Variants in LIX1 observed in about 807,000 individuals in gnomAD.
LIX1 encodes the protein limb and CNS expressed 1.
In LIX1, 24 loss-of-function variants were observed where a neutral mutation model predicts 33.4. The ratio of observed to expected loss-of-function variants is 0.72; its 90% CI spans 0.52 to 1.01. LIX1 has a LOEUF of 1.01. Among genes scored for constraint, LIX1 ranks in the 50% least tolerant of loss-of-function variants. LIX1 has a pLI of 0.00. For synonymous variants in LIX1, 124 were observed against 124.0 expected, an observed-to-expected ratio of 1.00 and a Z score of 0.00; for missense variants, 311 against 339.2, an observed-to-expected ratio of 0.92 and a Z score of 0.65.
chr5:97,096,382 A>G (rs1746377822), intron 5 of LIX1, among the ~76,000 whole-genome samples: 1 of 152,122 alleles, frequency 6.6e-6, no homozygotes. Context: ...TTTTGGCAGG[A>G]ATGGGAAATA....
intron 1 of LIX1, among the ~76,000 whole-genome samples, chr5:97,141,877 A>G (rs1748299134): frequency 6.6e-6 from 1 of 152,256 alleles, no homozygotes; most frequent in Non-Finnish European, 1.5e-5. Context: ...CATTAAAAAA[A>G]AGATTTTGAA....
rs555390860 is a variant in LIX1 at position 97,104,987 on chromosome 5, C to A, written c.483+203G>T. 2.6e-5 allele frequency among the ~76,000 whole-genome samples: 4 copies of A among 152,264 alleles called. No homozygotes were observed. The East Asian group carries it at 7.7e-4, about 29-fold the overall frequency. On this transcript the variant is annotated intron_variant, in intron 4 of 5. Coordinates refer to ENST00000274382, the MANE Select transcript of LIX1 (RefSeq NM_153234.5). ...TCTTTTATAAAAGCAAAGATTGTTT[C>A]CTGATTGCGTGTTTGTTTACGCCTA...
intron 1 of LIX1, among the ~76,000 whole-genome samples, chr5:97,127,366 G>A (rs565828102): frequency 2.0e-5 from 3 of 152,296 alleles, no homozygotes; most frequent in Non-Finnish European, 4.4e-5. Context: ...GTCGATTTCT[G>A]TGTGAATAAA....
At chr5:97,131,518 G>A (rs1748056240) in intron 1 of LIX1, among the ~76,000 whole-genome samples, 1 of 149,790 alleles carries the variant, frequency 6.7e-6, no homozygotes, top group Admixed American at 6.6e-5. Flanking sequence ...AGACTTGGCT[G>A]TACTTCCTTC....
intron 2 of LIX1, among the ~76,000 whole-genome samples, chr5:97,116,237 T>A (rs2060694628): frequency 6.6e-6 from 1 of 152,182 alleles, no homozygotes; most frequent in Non-Finnish European, 1.5e-5. Context: ...AGCATGAACA[T>A]TTGCATGTGT....
chr5:97,120,214 G>C (rs902906260), intron 2 of LIX1, among the ~76,000 whole-genome samples: 1 of 152,146 alleles, frequency 6.6e-6, no homozygotes, highest in African/African-American at 2.4e-5. Context: ...AGATTTAGGT[G>C]AATGATCTTA....
chr5:97,098,563 A>G (rs1746512311), intron 4 of LIX1, among the ~76,000 whole-genome samples: 1 of 152,238 alleles, frequency 6.6e-6, no homozygotes, highest in Non-Finnish European at 1.5e-5. Context: ...TGAAAACTTA[A>G]CATAGACAGA....
In LIX1 at chr5:97,096,822, C is replaced by A. The variant is rs757277816; in HGVS notation, c.549G>T (p.Lys183Asn). ...NGSLKALRETKCSRQEVISYY... is the reference protein window; with the variant it reads ...NGSLKALRETNCSRQEVISYY... ...TAGAAAATCTTACCTGTCGGGAACACTTTGTTTCACGAAGGGCTTTTAGGC... is the reference window on the plus strand; with the variant it reads ...TAGAAAATCTTACCTGTCGGGAACAATTTGTTTCACGAAGGGCTTTTAGGC... Residue 183 changes from lysine to asparagine, a missense_variant, in exon 5 of 6, where the codon AAG becomes AAT. Physicochemically the swap from Lys to Asn is moderately conservative, Grantham distance 94 (BLOSUM62 0). Transcript: ENST00000274382. The A allele has an allele frequency of 1.2e-6, 2 of 1,613,362 alleles. No individual in the cohort carries two copies. The highest frequency in any genetic ancestry group is 1.7e-6 in the Non-Finnish European group (2 of 1,179,306).
chr5:97,133,473 A>G (rs1217023375), intron 1 of LIX1, among the ~76,000 whole-genome samples: 6 of 152,250 alleles, frequency 3.9e-5, no homozygotes, highest in African/African-American at 1.4e-4. Context: ...AAGAGAGGGC[A>G]TGAATATATG....
chr5:97,108,728 C>T (rs542503633), intron 2 of LIX1, among the ~76,000 whole-genome samples: 1 of 152,198 alleles, frequency 6.6e-6, no homozygotes, highest in African/African-American at 2.4e-5. Context: ...CCTGACTGTG[C>T]TTCTTAGAAA....
intron 2 of LIX1, among the ~76,000 whole-genome samples, chr5:97,114,960 G>A (rs1580231972): frequency 6.6e-6 from 1 of 152,314 alleles, no homozygotes; most frequent in East Asian, 1.9e-4. Flanking sequence ...TTCTACCCAA[G>A]AGTCAAGGAA....
intron 1 of LIX1, among the ~76,000 whole-genome samples, chr5:97,134,399 C>T (rs1487858804): frequency 1.3e-5 from 2 of 152,208 alleles, no homozygotes; most frequent in Admixed American, 6.5e-5. Context: ...GGATTATAGG[C>T]GTGAGCCACC....
intron 1 of LIX1, among the ~76,000 whole-genome samples, chr5:97,130,448 A>G (rs1050233905): frequency 6.6e-6 from 1 of 152,248 alleles, no homozygotes; most frequent in Non-Finnish European, 1.5e-5. Flanking sequence ...TAAATCAGCC[A>G]TACAGCGAAT....
At chr5:97,095,141 C>G (rs1746310749) in intron 5 of LIX1, 106 bp from the exon 6 acceptor site, 8 of 1,039,374 alleles carry the variant, frequency 7.7e-6, no homozygotes, top group South Asian at 1.7e-5. Context: ...TATCAACAAC[C>G]CCATCTCTCT....
At chr5:97,096,961 T>C (rs1746413080) in intron 4 of LIX1, 74 bp from the exon 5 acceptor site, 3 of 1,080,478 alleles carry the variant, frequency 2.8e-6, no homozygotes, top group African/African-American at 3.1e-5. Flanking sequence ...AGGGCATAAC[T>C]CTAATTCCCA....
chr5:97,130,938 T>C (rs1476715762), intron 1 of LIX1, among the ~76,000 whole-genome samples: 1 of 152,240 alleles, frequency 6.6e-6, no homozygotes, highest in Admixed American at 6.5e-5. Flanking sequence ...ATGTGCCATG[T>C]AGTTTATAGA....
At chr5:97,120,151 A>G (rs1440466940) in intron 2 of LIX1, among the ~76,000 whole-genome samples, 3 of 152,206 alleles carry the variant, frequency 2.0e-5, no homozygotes, top group Non-Finnish European at 4.4e-5. Flanking sequence ...GAACAAAATA[A>G]TATCAGCTGA....
At chr5:97,097,580 G>A (rs1335126370) in intron 4 of LIX1, among the ~76,000 whole-genome samples, 1 of 152,166 alleles carries the variant, frequency 6.6e-6, no homozygotes, top group Non-Finnish European at 1.5e-5. Context: ...GTAGGAGGGA[G>A]ACCTTCTTGT....
intron 2 of LIX1, among the ~76,000 whole-genome samples, chr5:97,109,031 C>T (rs1305680484): frequency 2.6e-5 from 4 of 152,118 alleles, no homozygotes; most frequent in South Asian, 2.1e-4. Flanking sequence ...TGCACTGTCC[C>T]GGGAACGCTC....
Sources: allele counts gnomAD v4.1 joint callset (sites outside exome capture counted in the v4.1 genomes callset), GRCh38; gene constraint gnomAD v4.1.1; transcripts MANE v1.5; gene names NCBI Gene and HGNC (gene_info 2026-07-23, HGNC 2026-07-21).